Variants in POLR1A observed in about 807,000 individuals in gnomAD.
POLR1A encodes the protein DNA-directed RNA polymerase I subunit RPA1.
Under a neutral mutation model 205.3 loss-of-function variants are expected in POLR1A, and 84 were observed. The ratio of observed to expected loss-of-function variants is 0.41; its 90% CI spans 0.34 to 0.49. POLR1A has a LOEUF of 0.49. Ranked by LOEUF, POLR1A falls within the 20% of genes least tolerant of loss-of-function variation. The pLI is 0.22. For missense variants in POLR1A, 1,645 were observed against 2,204.5 expected (o/e 0.75, Z 5.08); for synonymous variants, 799 against 863.7 (o/e 0.93, Z 1.31).
chr2:86,068,386 C>CCGGGGGGGGGG (rs1553436015), intron 13 of POLR1A, among the ~76,000 whole-genome samples: 1 of 12,224 alleles, frequency 8.2e-5, no homozygotes, highest in Admixed American at 1.2e-3. Context: ...AGCACATGGG[C>CCGGGGGGGGGG]GGGGGGGGGG....
rs1672226166 is a variant in POLR1A, at chr2:86,025,695, GACCC to G, written c.*1724_*1727del. On this transcript the variant is annotated 3_prime_UTR_variant, in exon 34 of 34. Transcript: ENST00000263857. ...GTGCCTGGGAGAGATGGAATCCACG[GACCC>G]TGTGCCACAGTCACCAGGTTACTTT... 6.6e-6 allele frequency: 1 copy of G among 152,280 alleles called. No homozygotes were observed. Among genetic ancestry groups the G allele is most frequent in the Non-Finnish European group, 1.5e-5 (1 of 68,078 alleles). The allele number at this position is 152,280 out of a possible 1,614,324, so 9.4% of individuals were successfully genotyped here.
chr2:86,030,425 TG>T, intron 30 of POLR1A, 29 bp from the exon 31 acceptor site: 1 of 1,483,974 alleles, frequency 6.7e-7, no homozygotes, highest in Non-Finnish European at 9.4e-7. Context: ...CTGGGTAGGG[TG>T]ACAGCTACTC....
rs924159622 is a variant in POLR1A at position 86,023,587 on chromosome 2, G to A, written c.*3836C>T. On this transcript the variant is annotated 3_prime_UTR_variant, in exon 34 of 34. Coordinates refer to ENST00000263857, the MANE Select transcript of POLR1A (RefSeq NM_015425.6). ...GGTGGCTACTATTAACAAGAACAAG[G>A]ATGTGGAGAAATTGAAATTGTTGTA... 2 of 152,230 alleles carry A rather than the reference G, an allele frequency of 1.3e-5. No individual in the cohort carries two copies. The highest frequency in any genetic ancestry group is 1.3e-4 in the Admixed American group (2 of 15,290). 9.4% of individuals were successfully genotyped at this position (152,230 alleles called of 1,614,324 possible). A position where few individuals can be genotyped will look rare whatever the true frequency, so the allele number is the denominator to read the frequency against.
At chr2:86,064,770 G>A (rs1281061606) in intron 14 of POLR1A, among the ~76,000 whole-genome samples, 1 of 138,584 alleles carries the variant, frequency 7.2e-6, no homozygotes, top group Non-Finnish European at 1.6e-5. Context: ...TTTTTTTTTT[G>A]TGGAGACGGA....
intron 9 of POLR1A, among the ~76,000 whole-genome samples, chr2:86,079,087 TG>T (rs1452051707): frequency 2.6e-5 from 4 of 151,588 alleles, no homozygotes; most frequent in Non-Finnish European, 5.9e-5. Flanking sequence ...TGTCTTGAGG[TG>T]GGAGGGTGAG....
rs1358761133 is a variant in POLR1A at position 86,024,411 on chromosome 2, A to G, written c.*3012T>C. The G allele has an allele frequency of 6.6e-6, 1 of 152,476 alleles. No individual in the cohort carries two copies. Among genetic ancestry groups the G allele is most frequent in the East Asian group, 1.9e-4 (1 of 5,206 alleles). 9.4% of individuals were successfully genotyped at this position (152,476 alleles called of 1,614,324 possible). On this transcript the variant is annotated 3_prime_UTR_variant, in exon 34 of 34. Coordinates refer to ENST00000263857, the MANE Select transcript of POLR1A (RefSeq NM_015425.6). The stretch of plus-strand genomic sequence containing the variant: ...ATGGATACAGACATTTGTACATATT[A>G]TTTGGGGGTAGGGCAAAGTGAAGAG...
chr2:86,092,497 T>C (rs1028671005), intron 3 of POLR1A, among the ~76,000 whole-genome samples: 8 of 152,238 alleles, frequency 5.3e-5, no homozygotes, highest in Non-Finnish European at 1.2e-4. Flanking sequence ...GCATACTATG[T>C]CTCCAATCTC....
Position 86,048,895 on chromosome 2 carries a change from C to T in POLR1A, c.2623G>A (p.Glu875Lys), listed in dbSNP as rs1672751814. 1.9e-6 allele frequency: 3 copies of T among 1,613,988 alleles called. No homozygotes were observed. Among genetic ancestry groups the T allele is most frequent in the Non-Finnish European group, 1.7e-6 (2 of 1,179,824 alleles). The change falls in exon 18 of 34, where the codon GAG becomes AAG. Residue 875 changes from glutamate to lysine, a missense_variant. Physicochemically the swap from Glu to Lys is moderately conservative, Grantham distance 56 (BLOSUM62 1). Around this residue, in one of 16 missense-constraint regions of POLR1A, gnomAD observed 339 missense variants for 415.1 expected, o/e 0.82. Coordinates refer to ENST00000263857, the MANE Select transcript of POLR1A (RefSeq NM_015425.6). ...AATGCTGGGCTAACCTTGTTAATCTCATTGCTGTAATGGTTCACTTCCTCC... is the reference window on the plus strand; with the variant it reads ...AATGCTGGGCTAACCTTGTTAATCTTATTGCTGTAATGGTTCACTTCCTCC... ...FKEEVNHYSN[E>K]INKACMPFGL...
Position 86,043,081 on chromosome 2 carries a change from G to C in POLR1A, c.3250C>G (p.Leu1084Val). 2.5e-6 allele frequency: 4 copies of C among 1,614,136 alleles called. No individual in the cohort carries two copies. Among genetic ancestry groups the C allele is most frequent in the Non-Finnish European group, 2.5e-6 (3 of 1,179,986 alleles). The stretch of plus-strand genomic sequence containing the variant: ...TAACTCAAGAAGGCGCCTCTTCTCA[G>C]CAGGGTGTTGGGGTGCTTGCTTTGC... The part of the protein sequence containing the change: ...KWQSKHPNTL[L>V]RRGAFLSYSQ... The change falls in exon 23 of 34, where the codon CTG becomes GTG. Residue 1084 changes from leucine to valine, a missense_variant. Leu to Val is a conservative substitution (Grantham distance 32, BLOSUM62 1). Around this residue, in one of 16 missense-constraint regions of POLR1A, gnomAD observed 201 missense variants for 222.3 expected, o/e 0.90. Transcript: ENST00000263857.
rs1673578744 is a variant in POLR1A, at chr2:86,090,329, A to T, written c.433-400T>A. Reference sequence around the variant, plus strand: ...GAGATCGCTGGGAGGGGAATGTTGCAGTGAGCCAAGATTGCACCACTGCAC... The same window carrying T: ...GAGATCGCTGGGAGGGGAATGTTGCTGTGAGCCAAGATTGCACCACTGCAC... On this transcript the variant is annotated intron_variant, in intron 3 of 33. Coordinates refer to ENST00000263857, the MANE Select transcript of POLR1A (RefSeq NM_015425.6). Among the ~76,000 whole-genome samples, 3 of 147,828 alleles carry T rather than the reference A, an allele frequency of 2.0e-5. No homozygotes were observed. In the South Asian group the frequency reaches 6.4e-4, roughly 32 times the overall value.
intron 12 of POLR1A, among the ~76,000 whole-genome samples, chr2:86,074,167 A>G (rs1213676259): frequency 6.6e-6 from 1 of 152,206 alleles, no homozygotes; most frequent in African/African-American, 2.4e-5. Flanking sequence ...GGCCAGGAGC[A>G]TTTCCTTTTC....
At chr2:86,074,885 TA>T in intron 12 of POLR1A, 144 bp downstream of exon 12, 1 of 626,360 alleles carries the variant, frequency 1.6e-6, no homozygotes, top group Non-Finnish European at 2.8e-6. Context: ...AAGGTGAATC[TA>T]AAAAGCCACC....
rs777005760 is a variant in POLR1A at position 86,042,010 on chromosome 2, G to A, written c.3451C>T (p.Arg1151Cys). Residue 1151 changes from arginine to cysteine, a missense_variant, in exon 24 of 34, where the codon CGT becomes TGT. Around this residue, in one of 16 missense-constraint regions of POLR1A, gnomAD observed 201 missense variants for 222.3 expected, o/e 0.90. Coordinates refer to ENST00000263857, the MANE Select transcript of POLR1A (RefSeq NM_015425.6). ...ACPDPSLSVW[R>C]PDIYFASVSE... The stretch of plus-strand genomic sequence containing the variant: ...ACTGATGCAAAGTAGATGTCAGGAC[G>A]CCAGACAGACAGACTGGGGTCAGGA... 8.1e-6 allele frequency: 13 copies of A among 1,613,572 alleles called. No individual in the cohort carries two copies. Among genetic ancestry groups the A allele is most frequent in the South Asian group, 4.4e-5 (4 of 91,078 alleles).
chr2:86,091,143 G>A (rs962345798), intron 3 of POLR1A, among the ~76,000 whole-genome samples: 3 of 152,286 alleles, frequency 2.0e-5, no homozygotes, highest in Admixed American at 6.5e-5. Context: ...AGCTTTAAGC[G>A]TTGAACCTGG....
At position 86,081,702 on chromosome 2, in the gene POLR1A, G is replaced by A; in HGVS notation, c.822C>T (p.Phe274=). Residue 274 remains phenylalanine (F), a synonymous_variant, in exon 8 of 34, where the codon TTC becomes TTT. Transcript: ENST00000263857. ...HLSALWKNEG[F]FLNYLFSGMD... is the part of the protein sequence containing the mutation. ...TTCCCGAAAAAAGGTAGTTCAGAAA[G>A]AATCCTGCGTTGGAAAGAAATAAAC... 5 of 1,596,500 alleles carry A rather than the reference G, an allele frequency of 3.1e-6. No homozygotes were observed. Among genetic ancestry groups the A allele is most frequent in the Non-Finnish European group, 4.3e-6 (5 of 1,165,660 alleles).
At chr2:86,031,734 TG>T (rs1672399207) in intron 29 of POLR1A, 99 bp from the exon 30 acceptor site, 2 of 1,502,220 alleles carry the variant, frequency 1.3e-6, no homozygotes, top group Non-Finnish European at 9.0e-7. Flanking sequence ...TTGGCTGGCC[TG>T]GGCTACCTAG....
chr2:86,032,380 T>A lies in POLR1A; in HGVS notation c.4164A>T (p.Gly1388=), dbSNP rs201310010. ...CCTCTTCCTCATCACCCTCCTGCTC[T>A]CCCTGTGGTTTGTGGGCAAGGAAGA... ...DNAGELGRSR[G]EQEGDEEEEG... is the part of the protein sequence containing the mutation. Residue 1388 remains glycine (G), a splice_region_variant and synonymous_variant, in exon 29 of 34, where the codon GGA becomes GGT. Coordinates refer to ENST00000263857, the MANE Select transcript of POLR1A (RefSeq NM_015425.6). 122 of 1,608,018 alleles carry A rather than the reference T, an allele frequency of 7.6e-5. No individual in the cohort carries two copies. The East Asian group carries it at 2.2e-3, about 29-fold the overall frequency.
chr2:86,028,130 A>C lies in POLR1A; in HGVS notation c.4898-81T>G. On this transcript the variant is annotated intron_variant, in intron 32 of 33. Coordinates refer to ENST00000263857, the MANE Select transcript of POLR1A (RefSeq NM_015425.6). This position sits in a 1 kb window ranked among gnomAD's most constrained non-coding sequence, Gnocchi z 4.5. ...AGCAGACACAAGCCAAGCTGCCTCCACATCAGCACATGGCTTGGGAGTTAG... is the reference window on the plus strand; with the variant it reads ...AGCAGACACAAGCCAAGCTGCCTCCCCATCAGCACATGGCTTGGGAGTTAG... The C allele has an allele frequency of 7.6e-7, 1 of 1,310,212 alleles. No homozygotes were observed. The allele number at this position is 1,310,212 out of a possible 1,614,324, so 81.2% of individuals were successfully genotyped here.
intron 16 of POLR1A, 26 bp downstream of exon 16, chr2:86,052,791 C>A: frequency 6.7e-7 from 1 of 1,481,944 alleles, no homozygotes; most frequent in Admixed American, 2.3e-5. Context: ...GGGTCACTGC[C>A]CCAGGGCAGC....
Sources: gnomAD v4.1 joint callset for allele counts (sites outside exome capture counted in the v4.1 genomes callset) on GRCh38, gnomAD v4.1.1 for gene constraint, gnomAD v4.1.1 regional missense constraint, Gnocchi (gnomAD v3.1) non-coding constraint, MANE v1.5 for transcripts, NCBI Gene and HGNC (gene_info 2026-07-23, HGNC 2026-07-21) for gene names.